GBE1: variants seen among roughly 807,000 people sequenced by gnomAD.
GBE1 encodes the protein 1,4-alpha-glucan-branching enzyme.
Under a neutral mutation model 88.8 loss-of-function variants are expected in GBE1, and 70 were observed. The observed-to-expected ratio is 0.79, with a 90% CI of 0.65 to 0.96. The LOEUF (loss-of-function observed/expected upper bound fraction) is 0.96, where lower values mean the gene tolerates loss of function less well. Ranked by LOEUF, GBE1 falls within the 40% of genes least tolerant of loss-of-function variation. The pLI, the probability that GBE1 is intolerant of heterozygous loss-of-function variation, is 0.00. For missense variants in GBE1, 872 were observed against 871.0 expected (o/e 1.00, Z -0.01); for synonymous variants, 284 against 300.1 (o/e 0.95, Z 0.56).
chr3:81,495,973 G>A (rs570713609), intron 15 of GBE1, among the ~76,000 whole-genome samples: 6 of 152,168 alleles, frequency 3.9e-5, no homozygotes, highest in South Asian at 2.1e-4. Context: ...TTCAGTTACC[G>A]TAAAGAAATC....
At chr3:81,737,117 T>C (rs924127895) in intron 1 of GBE1, among the ~76,000 whole-genome samples, 1 of 151,164 alleles carries the variant, frequency 6.6e-6, no homozygotes, top group African/African-American at 2.4e-5. Flanking sequence ...GAGATAATAA[T>C]AACAGATTTC....
intron 12 of GBE1, among the ~76,000 whole-genome samples, chr3:81,546,535 C>T (rs1051540683): frequency 6.6e-6 from 1 of 151,226 alleles, no homozygotes; most frequent in Non-Finnish European, 1.5e-5. Context: ...AAAGACCTTG[C>T]TGATAAAACA....
At chr3:81,623,457 A>G (rs571772840) in intron 7 of GBE1, among the ~76,000 whole-genome samples, 1 of 152,310 alleles carries the variant, frequency 6.6e-6, no homozygotes, top group South Asian at 2.1e-4. Flanking sequence ...TTTTCTTCAT[A>G]GTACTTGTTG....
intron 14 of GBE1, among the ~76,000 whole-genome samples, chr3:81,527,927 T>C (rs942183904): frequency 3.9e-5 from 6 of 152,040 alleles, no homozygotes; most frequent in African/African-American, 1.4e-4. Context: ...CGTATGTTTA[T>C]TGCGGCACTA....
chr3:81,635,300 T>A (rs1490142959), intron 7 of GBE1, among the ~76,000 whole-genome samples: 2 of 152,130 alleles, frequency 1.3e-5, no homozygotes, highest in Admixed American at 6.6e-5. Flanking sequence ...TCAATAGTGA[T>A]GCCTCAACAT....
intron 14 of GBE1, among the ~76,000 whole-genome samples, chr3:81,502,348 AAAAGCTTATG>A (rs1291171209): frequency 2.0e-5 from 3 of 152,200 alleles, no homozygotes; most frequent in African/African-American, 7.2e-5. Context: ...GCCATAAAGG[AAAAGCTTATG>A]AAAGCCATAG....
At chr3:81,555,686 C>T (rs567968942) in intron 12 of GBE1, among the ~76,000 whole-genome samples, 2 of 152,270 alleles carry the variant, frequency 1.3e-5, no homozygotes, top group Admixed American at 6.5e-5. Context: ...TTTCCTGCTT[C>T]GAAGCCTTCT....
chr3:81,589,935 T>C (rs1559654690), intron 9 of GBE1, among the ~76,000 whole-genome samples: 1 of 151,976 alleles, frequency 6.6e-6, no homozygotes, highest in Non-Finnish European at 1.5e-5. Flanking sequence ...TGATCAAACG[T>C]AGGTAGGTCA....
At chr3:81,708,254 G>C (rs114343471) in intron 1 of GBE1, among the ~76,000 whole-genome samples, 2 of 151,878 alleles carry the variant, frequency 1.3e-5, no homozygotes, top group East Asian at 1.9e-4. Context: ...CATAAGGAAA[G>C]GATGGCTTAT....
Position 81,494,034 on chromosome 3 carries a change from A to G in GBE1, c.2053-3571T>C, listed in dbSNP as rs554698628. Among the ~76,000 whole-genome samples, 21 of 152,262 alleles carry G rather than the reference A, an allele frequency of 1.4e-4. No homozygotes were observed. In the South Asian group the frequency reaches 3.7e-3, roughly 27 times the overall value. The stretch of plus-strand genomic sequence containing the variant: ...TCTTAATGCAATATGCTAAAAAAAA[A>G]ACCCTTTGGTTCACAATTGTACAGT... On this transcript the variant is annotated intron_variant, in intron 15 of 15. Coordinates refer to ENST00000429644, the MANE Select transcript of GBE1 (RefSeq NM_000158.4).
At chr3:81,645,543 G>C (rs1704750218) in intron 6 of GBE1, among the ~76,000 whole-genome samples, 1 of 152,190 alleles carries the variant, frequency 6.6e-6, no homozygotes, top group African/African-American at 2.4e-5. Context: ...AAGAACCAGA[G>C]TGGAGGATTT....
chr3:81,644,926 T>C (rs1448259410), intron 6 of GBE1, among the ~76,000 whole-genome samples: 4 of 152,052 alleles, frequency 2.6e-5, no homozygotes, highest in East Asian at 3.9e-4. Flanking sequence ...ACAAGTCCAG[T>C]ATAATGCCAA....
chr3:81,550,471 A>G (rs966158792), intron 12 of GBE1, among the ~76,000 whole-genome samples: 5 of 151,516 alleles, frequency 3.3e-5, no homozygotes, highest in Non-Finnish European at 7.4e-5. Context: ...TGGAGGGAGA[A>G]TATATGTCAG....
At chr3:81,527,930 C>A (rs1399774627) in intron 14 of GBE1, among the ~76,000 whole-genome samples, 1 of 151,804 alleles carries the variant, frequency 6.6e-6, no homozygotes, top group Non-Finnish European at 1.5e-5. Flanking sequence ...ATGTTTATTG[C>A]GGCACTATTC....
chr3:81,699,415 T>C (rs908805259), intron 2 of GBE1, among the ~76,000 whole-genome samples: 1 of 152,198 alleles, frequency 6.6e-6, no homozygotes, highest in African/African-American at 2.4e-5. Flanking sequence ...CATACGTTAT[T>C]GTTCCCAATT....
intron 1 of GBE1, among the ~76,000 whole-genome samples, chr3:81,741,851 A>T (rs990692160): frequency 1.4e-5 from 2 of 147,702 alleles, no homozygotes; most frequent in African/African-American, 4.9e-5. Context: ...TATATAATAT[A>T]TAGTTTTTTA....
chr3:81,601,158 A>G (rs1704028190), intron 7 of GBE1, among the ~76,000 whole-genome samples: 1 of 152,134 alleles, frequency 6.6e-6, no homozygotes, highest in South Asian at 2.1e-4. Context: ...TTATATAGAA[A>G]AGAAAAAGGA....
intron 12 of GBE1, 42 bp downstream of exon 12, chr3:81,577,883 C>A: frequency 6.8e-7 from 1 of 1,481,478 alleles, no homozygotes; most frequent in Non-Finnish European, 9.1e-7. Flanking sequence ...TATAAGTTAA[C>A]ATTTTAAACA....
At chr3:81,750,597 ATATGTG>A (rs1287376247) in intron 1 of GBE1, among the ~76,000 whole-genome samples, 4 of 39,762 alleles carry the variant, frequency 1.0e-4, no homozygotes, top group South Asian at 5.4e-4. Context: ...ACGTATATAT[ATATGTG>A]TATATATATA....
Sources: allele counts gnomAD v4.1 joint callset (sites outside exome capture counted in the v4.1 genomes callset), GRCh38; gene constraint gnomAD v4.1.1; transcripts MANE v1.5; gene names NCBI Gene and HGNC (gene_info 2026-07-23, HGNC 2026-07-21).